Variants in LUC7L2 observed in about 807,000 individuals in gnomAD.
LUC7L2 encodes the protein LUC7 like 2, pre-mRNA splicing factor.
In LUC7L2, 25 loss-of-function variants were observed where a neutral mutation model predicts 52.8. The observed-to-expected ratio is 0.47, with a 90% CI of 0.34 to 0.66. The LOEUF (loss-of-function observed/expected upper bound fraction) is 0.66, where lower values mean the gene tolerates loss of function less well. LUC7L2 is among the 30% of genes least tolerant of loss of function. The probability of loss-of-function intolerance (pLI) is 0.01; values close to 1 mark genes in which losing one functional copy is unlikely to be tolerated. For synonymous variants in LUC7L2, 144 were observed against 160.9 expected (o/e 0.89, Z 0.80); for missense variants, 328 against 497.8 (o/e 0.66, Z 3.25).
intron 1 of LUC7L2, among the ~76,000 whole-genome samples, chr7:139,349,086 G>A (rs1799367004): frequency 1.3e-5 from 2 of 152,130 alleles, no homozygotes; most frequent in Non-Finnish European, 2.9e-5. Flanking sequence ...CCCGGGAGGC[G>A]GAGGTTGCAG....
intron 2 of LUC7L2, among the ~76,000 whole-genome samples, chr7:139,390,223 CT>C (rs1794382613): frequency 1.5e-5 from 1 of 66,380 alleles, no homozygotes; most frequent in African/African-American, 4.0e-4. Flanking sequence ...CAGTCTCTCT[CT>C]CTCTCTCTCT....
chr7:139,341,542 G>C (rs1285693188), intron 1 of LUC7L2: 20 of 1,606,384 alleles, frequency 1.2e-5, no homozygotes, highest in Non-Finnish European at 1.7e-5. Flanking sequence ...CCATGTCCCG[G>C]GTGCTCTACG....
Position 139,422,520 on chromosome 7 carries a change from A to C in LUC7L2, c.*180A>C. 8.1e-7 allele frequency: 1 copy of C among 1,228,568 alleles called. No individual in the cohort carries two copies. Among genetic ancestry groups the C allele is most frequent in the South Asian group, 2.9e-5 (1 of 34,786 alleles). The allele number at this position is 1,228,568 out of a possible 1,614,324, so 76.1% of individuals were successfully genotyped here. A position where few individuals can be genotyped will look rare whatever the true frequency, so the allele number is the denominator to read the frequency against. ...TTTCCTTGATGATGCCTAAAACTAC[A>C]TCCATAGTTTCTGGTGAACCTGTAA... On this transcript the variant is annotated 3_prime_UTR_variant, in exon 10 of 10. Coordinates refer to ENST00000354926, the MANE Select transcript of LUC7L2 (RefSeq NM_016019.5).
chr7:139,350,364 A>G (rs969413598), intron 1 of LUC7L2, among the ~76,000 whole-genome samples: 22 of 150,948 alleles, frequency 1.5e-4, no homozygotes, highest in Admixed American at 5.9e-4. Flanking sequence ...CTCATGATCC[A>G]CCCGCCTCGA....
Position 139,383,293 on chromosome 7 carries a change from A to G in LUC7L2, c.156+7137A>G, listed in dbSNP as rs191566127. ...ACCACACCTGGCTAATTTTTTTTGT[A>G]TTTTTAGTAGAGACGGGGTTTCTCC... On this transcript the variant is annotated intron_variant, in intron 2 of 9. Transcript: ENST00000354926. Among the ~76,000 whole-genome samples the G allele has an allele frequency of 1.0e-4, 15 of 150,224 alleles. No homozygotes were observed. In the East Asian group the frequency reaches 3.0e-3, roughly 30 times the overall value.
chr7:139,366,579 C>T (rs1314592409), intron 1 of LUC7L2, among the ~76,000 whole-genome samples: 1 of 152,330 alleles, frequency 6.6e-6, no homozygotes, highest in Middle Eastern at 3.4e-3. Flanking sequence ...TTTATTGGAA[C>T]ACATCCATGC....
chr7:139,405,881 A>G, intron 5 of LUC7L2, 94 bp downstream of exon 5: 3 of 1,400,886 alleles, frequency 2.1e-6, no homozygotes, highest in Non-Finnish European at 2.8e-6. Context: ...ATACTTCTCT[A>G]AGAACATGTA....
chr7:139,406,603 C>T (rs1795125561), intron 5 of LUC7L2, among the ~76,000 whole-genome samples: 1 of 152,172 alleles, frequency 6.6e-6, no homozygotes, highest in Non-Finnish European at 1.5e-5. Context: ...ATCTGTCCAC[C>T]TCAGCCTCCC....
chr7:139,385,311 CTTTTTTTTTTTTTTT>C (rs58744665), intron 2 of LUC7L2, among the ~76,000 whole-genome samples: 1 of 118,562 alleles, frequency 8.4e-6, no homozygotes, highest in East Asian at 2.7e-4. Flanking sequence ...GTTAGGATTA[CTTTTTTTTTTTTTTT>C]TTTTTTTTTT....
chr7:139,372,859 C>G (rs1161634374), intron 1 of LUC7L2, among the ~76,000 whole-genome samples: 1 of 152,106 alleles, frequency 6.6e-6, no homozygotes, highest in East Asian at 1.9e-4. Flanking sequence ...GAGAGCTTGT[C>G]TTATATGCCC....
intron 4 of LUC7L2, among the ~76,000 whole-genome samples, chr7:139,403,439 A>C (rs1795000188): frequency 6.6e-6 from 1 of 152,244 alleles, no homozygotes; most frequent in Non-Finnish European, 1.5e-5. Flanking sequence ...CAGTATTAAA[A>C]TATGGTGTTC....
At chr7:139,405,293 T>C (rs1306951557) in intron 4 of LUC7L2, among the ~76,000 whole-genome samples, 1 of 152,146 alleles carries the variant, frequency 6.6e-6, no homozygotes, top group Non-Finnish European at 1.5e-5. Context: ...AGGGTAAGTT[T>C]GGGGAAACTA....
Position 139,398,537 on chromosome 7 carries a change from T to G in LUC7L2, c.157-62T>G, listed in dbSNP as rs189985411. ...TATGTATTCTGACAAGAACTGTGGTTGTTGAAGCATTTTTTAAAAAACTTT... is the reference window on the plus strand; with the variant it reads ...TATGTATTCTGACAAGAACTGTGGTGGTTGAAGCATTTTTTAAAAAACTTT... On this transcript the variant is annotated intron_variant, in intron 2 of 9. Coordinates refer to ENST00000354926, the MANE Select transcript of LUC7L2 (RefSeq NM_016019.5). 312 of 1,355,834 alleles carry G rather than the reference T, an allele frequency of 2.3e-4. 2 individuals carry two copies. The East Asian group carries it at 6.8e-3, about 30-fold the overall frequency. 84.0% of individuals were successfully genotyped at this position (1,355,834 alleles called of 1,614,324 possible).
At chr7:139,362,803 TCCC>T (rs1461119809) in intron 1 of LUC7L2, among the ~76,000 whole-genome samples, 1 of 151,890 alleles carries the variant, frequency 6.6e-6, no homozygotes, top group African/African-American at 2.4e-5. Flanking sequence ...CAAGGTTTCT[TCCC>T]CCTCCCCTTC....
chr7:139,371,635 G>A (rs903403360), intron 1 of LUC7L2, among the ~76,000 whole-genome samples: 9 of 152,164 alleles, frequency 5.9e-5, no homozygotes, highest in Non-Finnish European at 1.2e-4. Context: ...GGCTAAGGTT[G>A]TAATGTTACT....
intron 1 of LUC7L2, among the ~76,000 whole-genome samples, chr7:139,365,801 A>C (rs1173387394): frequency 3.9e-5 from 6 of 152,230 alleles, no homozygotes; most frequent in Non-Finnish European, 7.3e-5. Context: ...AGAAACTATA[A>C]GAAGGTGAAG....
At chr7:139,374,537 GA>G in intron 1 of LUC7L2, 1 of 1,545,152 alleles carries the variant, frequency 6.5e-7, no homozygotes, top group Non-Finnish European at 8.7e-7. Flanking sequence ...TGTTTAAAAG[GA>G]AAAAGGACCA....
chr7:139,404,916 G>C (rs946210105), intron 4 of LUC7L2, among the ~76,000 whole-genome samples: 32 of 152,348 alleles, frequency 2.1e-4, no homozygotes, highest in African/African-American at 5.8e-4. Context: ...CAATAAGTCA[G>C]ATCTGATGGA....
intron 7 of LUC7L2, among the ~76,000 whole-genome samples, chr7:139,410,014 T>C (rs1795286200): frequency 1.3e-5 from 2 of 152,156 alleles, no homozygotes; most frequent in South Asian, 2.1e-4. Context: ...GAGACCATCC[T>C]GGCTAACACG....
Sources: allele counts gnomAD v4.1 joint callset (sites outside exome capture counted in the v4.1 genomes callset), GRCh38; gene constraint gnomAD v4.1.1; transcripts MANE v1.5; gene names NCBI Gene and HGNC (gene_info 2026-07-23, HGNC 2026-07-21).